Variants in BRWD1 observed in about 807,000 individuals in gnomAD.
BRWD1 encodes bromodomain and WD repeat domain containing 1.
In BRWD1, 82 loss-of-function variants were observed where a neutral mutation model predicts 251.2. The ratio of observed to expected loss-of-function variants is 0.33; its 90% CI spans 0.27 to 0.39. The LOEUF (loss-of-function observed/expected upper bound fraction) is 0.39. Among genes scored for constraint, BRWD1 ranks in the 10% least tolerant of loss-of-function variants. BRWD1 has a pLI of 1.00. For synonymous variants in BRWD1, 918 were observed against 902.8 expected (o/e 1.02, Z -0.30); for missense variants, 2,233 against 2,711.6 (o/e 0.82, Z 3.92).
At chr21:39,255,589 C>T in intron 19 of BRWD1, 56 bp downstream of exon 19, 1 of 1,402,892 alleles carries the variant, frequency 7.1e-7, no homozygotes, top group Non-Finnish European at 1.0e-6. Context: ...TGTAAATAAC[C>T]ATATAAATAT....
At chr21:39,295,312 G>A (rs887823621) in intron 7 of BRWD1, among the ~76,000 whole-genome samples, 1 of 147,404 alleles carries the variant, frequency 6.8e-6, no homozygotes, top group African/African-American at 2.5e-5. Flanking sequence ...TCAGCCTCCC[G>A]AGTAGCTGGG....
chr21:39,215,287 T>C lies in BRWD1; in HGVS notation c.3735A>G (p.Val1245=). The C allele has an allele frequency of 6.2e-7, 1 of 1,612,740 alleles. No individual in the cohort carries two copies. The highest frequency in any genetic ancestry group is 8.5e-7 in the Non-Finnish European group (1 of 1,178,800). ...TTATCTTTTTAGCTGATCTTGCAAT[T>C]ACACTCTCAGGTTCGTTAAATGTTC... is the stretch of plus-strand genomic sequence containing the variant. ...NARTFNEPES[V]IARSAKKITD... The change falls in exon 32 of 41, where the codon GTA becomes GTG. Residue 1245 remains valine (V), a synonymous_variant. Coordinates refer to ENST00000342449, the MANE Select transcript of BRWD1 (RefSeq NM_033656.4).
intron 15 of BRWD1, among the ~76,000 whole-genome samples, chr21:39,268,494 T>A (rs1419702542): frequency 9.3e-6 from 1 of 107,850 alleles, no homozygotes; most frequent in Non-Finnish European, 1.9e-5. Flanking sequence ...ATAAATATCA[T>A]GTGCCTCCTA....
chr21:39,236,553 G>A (rs750970521), intron 23 of BRWD1, 42 bp downstream of exon 23: 1 of 1,440,602 alleles, frequency 6.9e-7, no homozygotes, highest in Admixed American at 2.1e-5. Flanking sequence ...TAAAGCTGGG[G>A]TATCATGATA....
chr21:39,275,281 AG>A (rs912077798), intron 12 of BRWD1, among the ~76,000 whole-genome samples: 3 of 152,226 alleles, frequency 2.0e-5, no homozygotes, highest in African/African-American at 7.2e-5. Context: ...ATATGATTTA[AG>A]TAATAATTTC....
chr21:39,209,497 G>C (rs2032563621), intron 36 of BRWD1, among the ~76,000 whole-genome samples: 1 of 151,612 alleles, frequency 6.6e-6, no homozygotes. Flanking sequence ...AACACATCAA[G>C]CAAAGAGCCT....
intron 4 of BRWD1, among the ~76,000 whole-genome samples, chr21:39,308,765 A>C (rs538679802): frequency 6.6e-6 from 1 of 152,300 alleles, no homozygotes; most frequent in East Asian, 1.9e-4. Flanking sequence ...AGTTACCATC[A>C]TAAGGAACAA....
chr21:39,309,824 C>CAAA (rs10709480), intron 4 of BRWD1, among the ~76,000 whole-genome samples: 15 of 75,154 alleles, frequency 2.0e-4, no homozygotes, highest in East Asian at 3.2e-4. Flanking sequence ...GACTCCGTCT[C>CAAA]AAAAAAAAAA....
chr21:39,203,889 T>C (rs1165916962), intron 37 of BRWD1, among the ~76,000 whole-genome samples: 2 of 142,102 alleles, frequency 1.4e-5, no homozygotes, highest in Admixed American at 1.4e-4. Context: ...CAGTGGCTTA[T>C]GCATGTAATC....
intron 4 of BRWD1, among the ~76,000 whole-genome samples, chr21:39,304,291 T>G (rs1424259608): frequency 6.6e-6 from 1 of 151,188 alleles, no homozygotes; most frequent in Admixed American, 6.6e-5. Flanking sequence ...ACAGGTAGAC[T>G]TAAACCCAAT....
chr21:39,265,104 G>C, intron 15 of BRWD1, 85 bp from the exon 16 acceptor site: 1 of 1,319,398 alleles, frequency 7.6e-7, no homozygotes. Context: ...GATAACCTGT[G>C]ACAATATATC....
At chr21:39,302,131 A>C (rs2036138811) in intron 4 of BRWD1, among the ~76,000 whole-genome samples, 1 of 151,504 alleles carries the variant, frequency 6.6e-6, no homozygotes, top group Non-Finnish European at 1.5e-5. Context: ...TTACAAGCAC[A>C]CGCCACCACA....
Position 39,199,074 on chromosome 21 carries a change from T to C in BRWD1, c.5342A>G (p.Lys1781Arg). Residue 1781 changes from lysine (K) to arginine (R), a missense_variant, in exon 40 of 41, where the codon AAA becomes AGA. Around this residue, in one of 12 missense-constraint regions of BRWD1, gnomAD observed 928 missense variants for 970.0 expected, o/e 0.96. Coordinates refer to ENST00000342449, the MANE Select transcript of BRWD1 (RefSeq NM_033656.4). ...CTCTGAGATGCTCTCTGCCTTAAGT[T>C]TCTGCACAGACGTTGATGGGCCAGC... ...RTAGPSTSVQ[K>R]LKAESISEEA... 1 of 1,614,150 alleles carries C rather than the reference T, an allele frequency of 6.2e-7. No homozygotes were observed. Among genetic ancestry groups the C allele is most frequent in the South Asian group, 1.1e-5 (1 of 91,076 alleles).
At chr21:39,300,721 T>C (rs2036087015) in intron 4 of BRWD1, among the ~76,000 whole-genome samples, 1 of 152,136 alleles carries the variant, frequency 6.6e-6, no homozygotes, top group African/African-American at 2.4e-5. Flanking sequence ...AAGCTAGATA[T>C]ATGACCCATG....
intron 12 of BRWD1, among the ~76,000 whole-genome samples, chr21:39,275,882 G>A (rs1179869577): frequency 6.6e-6 from 1 of 151,774 alleles, no homozygotes; most frequent in African/African-American, 2.4e-5. Context: ...AAAATACAAA[G>A]TTAGCCGGGC....
chr21:39,215,767 G>T (rs2032863720), intron 31 of BRWD1, among the ~76,000 whole-genome samples: 2 of 152,140 alleles, frequency 1.3e-5, no homozygotes, highest in Admixed American at 6.5e-5. Context: ...GACAGGGCAG[G>T]AGGACAGCAT....
Position 39,218,598 on chromosome 21 carries a change from G to A in BRWD1, c.3445C>T (p.Leu1149Phe). 6.2e-7 allele frequency: 1 copy of A among 1,611,962 alleles called. No homozygotes were observed. The highest frequency in any genetic ancestry group is 8.5e-7 in the Non-Finnish European group (1 of 1,179,238). The change falls in exon 30 of 41, where the codon CTC (leucine) becomes TTC (phenylalanine). Residue 1149 changes from leucine to phenylalanine, a missense_variant. Physicochemically the swap from Leu to Phe is conservative, Grantham distance 22 (BLOSUM62 0). Transcript: ENST00000342449. ...SVTTDELEKLLYKPQAGEWGQ... is the reference protein window; with the variant it reads ...SVTTDELEKLFYKPQAGEWGQ... ...CATTCACCAGCTTGTGGTTTATAGA[G>A]CAATTTCTCTAGCTCATCTGTTGTG...
intron 15 of BRWD1, 93 bp from the exon 16 acceptor site, chr21:39,265,112 A>C: frequency 8.0e-7 from 1 of 1,255,934 alleles, no homozygotes; most frequent in Non-Finnish European, 1.1e-6. Flanking sequence ...GTGACAATAT[A>C]TCCCTTCTGA....
intron 21 of BRWD1, among the ~76,000 whole-genome samples, chr21:39,240,414 A>C (rs1167098851): frequency 6.6e-6 from 1 of 152,200 alleles, no homozygotes; most frequent in Non-Finnish European, 1.5e-5. Flanking sequence ...AAATCACTTG[A>C]GCCTAGGAGT....
Sources: gnomAD v4.1 joint callset for allele counts (sites outside exome capture counted in the v4.1 genomes callset) on GRCh38, gnomAD v4.1.1 for gene constraint, gnomAD v4.1.1 regional missense constraint, MANE v1.5 for transcripts, NCBI Gene and HGNC (gene_info 2026-07-23, HGNC 2026-07-21) for gene names.